Variants in MRTFB observed in about 807,000 individuals in gnomAD.
MRTFB encodes myocardin-related transcription factor B.
In MRTFB, 29 loss-of-function variants were observed where a neutral mutation model predicts 104.2. That is an observed-to-expected ratio of 0.28 (90% CI 0.21 to 0.38). The LOEUF (loss-of-function observed/expected upper bound fraction) is 0.38. MRTFB is among the 10% of genes least tolerant of loss of function. The pLI is 1.00. For synonymous variants in MRTFB, 535 were observed against 519.5 expected (o/e 1.03, Z -0.41); for missense variants, 1,270 against 1,341.6 (o/e 0.95, Z 0.83).
the MRTFB span, among the ~76,000 whole-genome samples, chr16:14,058,939 C>G: frequency 4.0e-5 from 6 of 151,798 alleles, no homozygotes; most frequent in Non-Finnish European, 8.8e-5. Context: ...AGGCTGGTCT[C>G]GAACTCCTGG....
intron 3 of MRTFB, chr16:14,200,566 G>C: frequency 2.5e-6 from 4 of 1,604,892 alleles, no homozygotes; most frequent in Admixed American, 1.7e-5. Flanking sequence ...CAATTATCTT[G>C]TTGTCATGTG....
At chr16:14,127,939 T>C (rs1394898242) in intron 2 of MRTFB, among the ~76,000 whole-genome samples, 3 of 87,674 alleles carry the variant, frequency 3.4e-5, no homozygotes, top group African/African-American at 1.7e-4. Context: ...ATTTTTTTTT[T>C]TTTTTTTTTT....
intron 2 of MRTFB, among the ~76,000 whole-genome samples, chr16:14,118,402 A>C (rs898462481): frequency 6.6e-6 from 1 of 150,618 alleles, no homozygotes; most frequent in Non-Finnish European, 1.5e-5. Flanking sequence ...TCGGCCTCCC[A>C]AAGTGCTGGA....
At chr16:14,040,677 G>A in the MRTFB span, among the ~76,000 whole-genome samples, 4 of 152,070 alleles carry the variant, frequency 2.6e-5, no homozygotes, top group African/African-American at 9.7e-5. Flanking sequence ...TGGCAGGGCT[G>A]GTACTGAACC....
At chr16:14,015,022 C>T in the MRTFB span, among the ~76,000 whole-genome samples, 3 of 152,128 alleles carry the variant, frequency 2.0e-5, no homozygotes, top group Non-Finnish European at 2.9e-5. Context: ...GGACAGTTAT[C>T]GAGGCTAGCT....
the MRTFB span, among the ~76,000 whole-genome samples, chr16:14,054,250 T>C: frequency 3.8e-4 from 58 of 152,168 alleles, no homozygotes; most frequent in Admixed American, 6.5e-4. Context: ...GGAGTCTCGC[T>C]GTGTCACCCA....
chr16:14,088,573 C>T (rs1446907453), intron 2 of MRTFB, among the ~76,000 whole-genome samples: 1 of 152,274 alleles, frequency 6.6e-6, no homozygotes, highest in Admixed American at 6.5e-5. Flanking sequence ...GCATTATTTT[C>T]ACCATCCTCT....
At chr16:14,065,637 C>T in the MRTFB span, among the ~76,000 whole-genome samples, 4 of 152,072 alleles carry the variant, frequency 2.6e-5, no homozygotes, top group African/African-American at 9.7e-5. Context: ...CCGAGCTACT[C>T]AGGAGGCTGA....
chr16:14,039,968 G>C, the MRTFB span, among the ~76,000 whole-genome samples: 1 of 151,976 alleles, frequency 6.6e-6, no homozygotes, highest in Non-Finnish European at 1.5e-5. Flanking sequence ...GGCTGGTCTT[G>C]AACTCCCAAC....
intron 3 of MRTFB, among the ~76,000 whole-genome samples, chr16:14,180,482 C>T (rs1202247541): frequency 6.6e-6 from 1 of 152,130 alleles, no homozygotes; most frequent in Non-Finnish European, 1.5e-5. Flanking sequence ...ATGACTTTTT[C>T]TAAGTTGATG....
the MRTFB span, among the ~76,000 whole-genome samples, chr16:14,056,893 A>T: frequency 6.6e-6 from 1 of 152,172 alleles, no homozygotes; most frequent in Non-Finnish European, 1.5e-5. Flanking sequence ...TCAGTCTAAC[A>T]TCCCTCTTTC....
chr16:14,234,634 A>T (rs2042415475), intron 9 of MRTFB, among the ~76,000 whole-genome samples: 1 of 152,118 alleles, frequency 6.6e-6, no homozygotes. Flanking sequence ...TCTCTACAAA[A>T]AATTCAAAAA....
chr16:14,063,188 G>A, the MRTFB span, among the ~76,000 whole-genome samples: 19 of 152,294 alleles, frequency 1.2e-4, no homozygotes, highest in East Asian at 7.7e-4. Context: ...CAACAGGAAC[G>A]ATGAGTATCT....
intron 3 of MRTFB, among the ~76,000 whole-genome samples, chr16:14,204,667 A>G (rs2151133321): frequency 6.6e-6 from 1 of 152,350 alleles, no homozygotes; most frequent in South Asian, 2.1e-4. Context: ...TTGAAATGTA[A>G]TAGAAAACTG....
intron 3 of MRTFB, chr16:14,141,230 A>T (rs1038973627): frequency 7.7e-5 from 12 of 155,268 alleles, no homozygotes; most frequent in African/African-American, 2.7e-4. Context: ...TGGGTATTGG[A>T]TATAGTCATA....
intron 2 of MRTFB, among the ~76,000 whole-genome samples, chr16:14,098,988 G>A (rs918779999): frequency 6.6e-6 from 1 of 152,168 alleles, no homozygotes; most frequent in African/African-American, 2.4e-5. Context: ...GCTTTATAAT[G>A]AGTCTTGAAA....
chr16:14,071,017 G>C (rs185351928), upstream of MRTFB, among the ~76,000 whole-genome samples: 26 of 152,318 alleles, frequency 1.7e-4, no homozygotes, highest in East Asian at 4.3e-3. Context: ...CACCTTTGTC[G>C]CCACCGTCCA....
the MRTFB span, among the ~76,000 whole-genome samples, chr16:14,004,974 C>T: frequency 6.6e-6 from 1 of 152,262 alleles, no homozygotes; most frequent in Non-Finnish European, 1.5e-5. Flanking sequence ...GACTAAATCT[C>T]ACTGCCAAGG....
chr16:14,146,902 C>T (rs1225773460), intron 3 of MRTFB, among the ~76,000 whole-genome samples: 3 of 152,140 alleles, frequency 2.0e-5, no homozygotes, highest in Non-Finnish European at 2.9e-5. Flanking sequence ...TTCTCTGGAG[C>T]AGATAGCCAG....
Sources: allele counts gnomAD v4.1 joint callset (sites outside exome capture counted in the v4.1 genomes callset), GRCh38; gene constraint gnomAD v4.1.1; transcripts MANE v1.5; gene names NCBI Gene and HGNC (gene_info 2026-07-23, HGNC 2026-07-21).